NKAIN2: variants seen among roughly 807,000 people sequenced by gnomAD.
NKAIN2 encodes the protein sodium/potassium transporting ATPase interacting 2.
NKAIN2 carries 14 observed loss-of-function variants against 32.6 expected under a neutral mutation model. The ratio of observed to expected loss-of-function variants is 0.43; its 90% CI spans 0.28 to 0.67. NKAIN2 has a LOEUF of 0.67. Ranked by LOEUF, NKAIN2 falls within the 30% of genes least tolerant of loss-of-function variation. The pLI, the probability that NKAIN2 is intolerant of heterozygous loss-of-function variation, is 0.17. For synonymous variants in NKAIN2, 80 were observed against 87.2 expected (o/e 0.92, Z 0.46); for missense variants, 198 against 258.3 (o/e 0.77, Z 1.60).
chr6:123,952,114 T>C (rs1020885192), intron 1 of NKAIN2, among the ~76,000 whole-genome samples: 5 of 152,084 alleles, frequency 3.3e-5, no homozygotes, highest in Admixed American at 6.6e-5. Flanking sequence ...TACGTTTTGC[T>C]TGTCTGGGAT....
At chr6:124,156,931 C>T (rs186135476) in intron 1 of NKAIN2, among the ~76,000 whole-genome samples, 6 of 151,328 alleles carry the variant, frequency 4.0e-5, no homozygotes, top group Non-Finnish European at 5.9e-5. Context: ...GGTAAAACCC[C>T]GTCTTTACTA....
intron 1 of NKAIN2, among the ~76,000 whole-genome samples, chr6:124,066,550 C>A (rs1342834556): frequency 6.6e-6 from 1 of 152,106 alleles, no homozygotes; most frequent in African/African-American, 2.4e-5. Context: ...TGCATATGCA[C>A]ATTAGAATTA....
At chr6:124,170,862 T>C (rs1026221074) in intron 1 of NKAIN2, among the ~76,000 whole-genome samples, 5 of 152,206 alleles carry the variant, frequency 3.3e-5, no homozygotes, top group Admixed American at 1.3e-4. Flanking sequence ...GGTAAACTGA[T>C]AATTTTCTGA....
intron 4 of NKAIN2, among the ~76,000 whole-genome samples, chr6:124,685,288 C>T (rs867957783): frequency 2.6e-5 from 4 of 152,062 alleles, no homozygotes; most frequent in Non-Finnish European, 5.9e-5. Flanking sequence ...AAAAGGTGAA[C>T]AATTCTACTT....
chr6:123,892,502 C>A (rs1167691114), intron 1 of NKAIN2, among the ~76,000 whole-genome samples: 2 of 151,852 alleles, frequency 1.3e-5, no homozygotes. Flanking sequence ...ATGAGAACAG[C>A]ATGGGGGAAA....
chr6:124,632,861 C>A (rs1465106959), intron 3 of NKAIN2, among the ~76,000 whole-genome samples: 1 of 152,142 alleles, frequency 6.6e-6, no homozygotes, highest in African/African-American at 2.4e-5. Flanking sequence ...ACTAAAATAT[C>A]TTTAAAAGCT....
intron 3 of NKAIN2, among the ~76,000 whole-genome samples, chr6:124,605,961 T>C (rs999062330): frequency 5.3e-5 from 8 of 152,034 alleles, no homozygotes. Flanking sequence ...TTCTGTGCAA[T>C]GTTCTTAAAG....
At chr6:124,639,291 A>G (rs1040405752) in intron 3 of NKAIN2, among the ~76,000 whole-genome samples, 5 of 152,222 alleles carry the variant, frequency 3.3e-5, no homozygotes, top group Non-Finnish European at 7.3e-5. Context: ...AGTACTATCC[A>G]CAATAGTGGA....
chr6:124,817,120 A>C (rs914362796), intron 5 of NKAIN2, among the ~76,000 whole-genome samples: 9 of 152,184 alleles, frequency 5.9e-5, no homozygotes, highest in Admixed American at 1.3e-4. Flanking sequence ...GTGAGGGTCT[A>C]GAATCATTTA....
At chr6:123,869,102 A>G (rs1441920043) in intron 1 of NKAIN2, among the ~76,000 whole-genome samples, 1 of 152,226 alleles carries the variant, frequency 6.6e-6, no homozygotes, top group Non-Finnish European at 1.5e-5. Context: ...TTTAAAGACA[A>G]ATTGAGAAAG....
At chr6:123,833,282 G>A (rs966085279) in intron 1 of NKAIN2, among the ~76,000 whole-genome samples, 1 of 151,406 alleles carries the variant, frequency 6.6e-6, no homozygotes, top group Non-Finnish European at 1.5e-5. Context: ...GTGCTATTTT[G>A]TTCCACTGAT....
At chr6:123,852,280 CTTCTT>C (rs1313417482) in intron 1 of NKAIN2, among the ~76,000 whole-genome samples, 1 of 82,694 alleles carries the variant, frequency 1.2e-5, no homozygotes, top group Non-Finnish European at 2.5e-5. Flanking sequence ...ACTTCACAAA[CTTCTT>C]TTTTTTTGTG....
At chr6:123,902,228 C>T (rs975634705) in intron 1 of NKAIN2, among the ~76,000 whole-genome samples, 4 of 152,020 alleles carry the variant, frequency 2.6e-5, no homozygotes, top group African/African-American at 7.2e-5. Flanking sequence ...ATTTTGGAAT[C>T]GGTATGACTA....
At chr6:123,849,164 T>A (rs1775212050) in intron 1 of NKAIN2, among the ~76,000 whole-genome samples, 1 of 152,236 alleles carries the variant, frequency 6.6e-6, no homozygotes, top group African/African-American at 2.4e-5. Flanking sequence ...ACTCTTGTAC[T>A]ACTTTGTACA....
intron 4 of NKAIN2, among the ~76,000 whole-genome samples, chr6:124,780,806 G>A (rs1779228727): frequency 6.6e-6 from 1 of 152,192 alleles, no homozygotes; most frequent in African/African-American, 2.4e-5. Flanking sequence ...AACATAAGAA[G>A]CCCACGCTGG....
chr6:124,423,641 A>G (rs1774852788), intron 3 of NKAIN2, among the ~76,000 whole-genome samples: 1 of 152,206 alleles, frequency 6.6e-6, no homozygotes, highest in Non-Finnish European at 1.5e-5. Context: ...TTAATTCATG[A>G]GGGGGCAGAG....
intron 1 of NKAIN2, among the ~76,000 whole-genome samples, chr6:124,175,747 T>A (rs1269909638): frequency 2.6e-5 from 4 of 152,194 alleles, no homozygotes; most frequent in Admixed American, 2.0e-4. Flanking sequence ...AGATTTTTTT[T>A]AAATGTAGCC....
chr6:124,159,385 T>G (rs969333702), intron 1 of NKAIN2, among the ~76,000 whole-genome samples: 10 of 152,164 alleles, frequency 6.6e-5, no homozygotes, highest in African/African-American at 2.4e-4. Context: ...ACAACTAGTA[T>G]TTGTACTGGT....
At chr6:124,161,704 G>C (rs1006216353) in intron 1 of NKAIN2, among the ~76,000 whole-genome samples, 1 of 152,008 alleles carries the variant, frequency 6.6e-6, no homozygotes, top group Non-Finnish European at 1.5e-5. Flanking sequence ...AAAATTATTT[G>C]ATACCACATG....
Sources: allele counts gnomAD v4.1 joint callset (sites outside exome capture counted in the v4.1 genomes callset), GRCh38; gene constraint gnomAD v4.1.1; transcripts MANE v1.5; gene names NCBI Gene and HGNC (gene_info 2026-07-23, HGNC 2026-07-21).